Variants in WFS1 observed in about 807,000 individuals in gnomAD.
WFS1 encodes wolframin ER transmembrane glycoprotein.
In WFS1, 90 loss-of-function variants were observed where a neutral mutation model predicts 68.5. The observed-to-expected ratio is 1.31, with a 90% CI of 1.11 to 1.56. The LOEUF is 1.56. Among genes scored for constraint, WFS1 ranks in the 40% most tolerant of loss-of-function variants. The pLI, the probability that WFS1 is intolerant of heterozygous loss-of-function variation, is 0.00. For synonymous variants in WFS1, 860 were observed against 540.7 expected, an observed-to-expected ratio of 1.59 and a Z score of -8.19; for missense variants, 1,767 against 1,232.6, an observed-to-expected ratio of 1.43 and a Z score of -6.49.
chr4:6,296,090 T>C (rs1359721172), intron 7 of WFS1, among the ~76,000 whole-genome samples: 1 of 152,196 alleles, frequency 6.6e-6, no homozygotes, highest in Non-Finnish European at 1.5e-5. Context: ...CATCATTGTA[T>C]TCAGATGGGC....
intron 7 of WFS1, among the ~76,000 whole-genome samples, chr4:6,296,208 C>T (rs962607643): frequency 3.3e-5 from 5 of 152,202 alleles, no homozygotes; most frequent in South Asian, 2.1e-4. Context: ...AGAGTAGGCC[C>T]GCCCTCCGGT....
rs772113749 is a variant in WFS1 at position 6,301,457 on chromosome 4, G to C, written c.1662G>C (p.Leu554=). 1.2e-6 allele frequency: 2 copies of C among 1,612,450 alleles called. No homozygotes were observed. The highest frequency in any genetic ancestry group is 1.7e-5 in the Admixed American group (1 of 60,010). Residue 554 remains leucine, a synonymous_variant, in exon 8 of 8, where the codon CTG becomes CTC. Transcript: ENST00000226760. ...SVVILLESTG[L]GLLRASIGYF... is the part of the protein sequence containing the mutation. ...TCATCCTGCTGGAGTCCACCGGCCT[G>C]GGGCTGCTCCGCGCCTCCATCGGCT...
At position 6,287,218 on chromosome 4, in the gene WFS1, C is replaced by T. The variant is rs967757154; in HGVS notation, c.315+43C>T. On this transcript the variant is annotated intron_variant, in intron 3 of 7. Transcript: ENST00000226760. The surrounding 1 kb of genome is among the most constrained non-coding windows in gnomAD (Gnocchi z 6.4). ...GGCAGGGACTTCGGGACGCGGCCCC[C>T]GGCACAACAGGCCTGGCCACGAGCT... The T allele has an allele frequency of 2.6e-5, 40 of 1,512,776 alleles. No homozygotes were observed. The East Asian group carries it at 4.4e-4, about 17-fold the overall frequency. The allele number at this position is 1,512,776 out of a possible 1,614,324, so 93.7% of individuals were successfully genotyped here. A position where few individuals can be genotyped will look rare whatever the true frequency, so the allele number is the denominator to read the frequency against.
At chr4:6,270,844 T>A (rs1054446421) in intron 1 of WFS1, among the ~76,000 whole-genome samples, 4 of 152,048 alleles carry the variant, frequency 2.6e-5, no homozygotes, top group Non-Finnish European at 5.9e-5. Context: ...GGCGGAGAAG[T>A]TATAGTCCCC....
At position 6,302,421 on chromosome 4, in the gene WFS1, A is replaced by C. The variant is rs1730979839; in HGVS notation, c.2626A>C (p.Lys876Gln). The change falls in exon 8 of 8, where the codon AAG becomes CAG. Residue 876 changes from lysine (K) to glutamine (Q), a missense_variant. By Grantham distance (53) the Lys-to-Gln change is moderately conservative. Coordinates refer to ENST00000226760, the MANE Select transcript of WFS1 (RefSeq NM_006005.3). ...DWRSTVHGAV[K>Q]FAFDFFFFPF... ...GCGCAGCACCGTGCATGGCGCCGTG[A>C]AGTTCGCCTTCGACTTCTTTTTCTT... 1.2e-6 allele frequency: 2 copies of C among 1,613,232 alleles called. No individual in the cohort carries two copies. The highest frequency in any genetic ancestry group is 4.5e-5 in the East Asian group (2 of 44,888).
chr4:6,291,153 C>T (rs1357043564), intron 4 of WFS1, 44 bp from the exon 5 acceptor site: 1 of 1,606,504 alleles, frequency 6.2e-7, no homozygotes, highest in East Asian at 2.2e-5. Context: ...CACCGAAAGC[C>T]TAGGCAGGGC....
chr4:6,282,017 G>A (rs1411301123), intron 2 of WFS1, among the ~76,000 whole-genome samples: 1 of 152,206 alleles, frequency 6.6e-6, no homozygotes, highest in African/African-American at 2.4e-5. Context: ...CTCATGGGTG[G>A]ACGTGCTCGT....
In WFS1 at chr4:6,301,736, C is replaced by A. The variant is rs1261149781; in HGVS notation, c.1941C>A (p.Cys647Ter). Residue 647 changes from cysteine (C) to a stop codon, truncating the protein, a stop_gained, in exon 8 of 8, where the codon TGC becomes TGA. Coordinates refer to ENST00000226760, the MANE Select transcript of WFS1 (RefSeq NM_006005.3). LOFTEE classifies it high-confidence loss of function. Reference sequence around the variant, plus strand: ...GGCTCACGGCCATCGTGCTGTTCTGCTGGTTCTATGTGTACCGCTCAGAGG... The same window carrying A: ...GGCTCACGGCCATCGTGCTGTTCTGATGGTTCTATGTGTACCGCTCAGAGG... The part of the protein sequence containing the change: ...LVWLTAIVLF[C>*]WFYVYRSEGM... The A allele has an allele frequency of 1.2e-6, 2 of 1,613,996 alleles. No individual in the cohort carries two copies. Among genetic ancestry groups the A allele is most frequent in the Admixed American group, 1.7e-5 (1 of 60,032 alleles).
chr4:6,277,526 G>A lies in WFS1; in HGVS notation c.71G>A (p.Arg24His), dbSNP rs71524364. The change falls in exon 2 of 8, where the codon CGT becomes CAT. Residue 24 changes from arginine (R) to histidine (H), a missense_variant. Transcript: ENST00000226760. ...CCGCCAGCACCGCAGCCCCAGGCGCGTTCCCGACTCAATGCCACAGCCTCG... is the reference window on the plus strand; with the variant it reads ...CCGCCAGCACCGCAGCCCCAGGCGCATTCCCGACTCAATGCCACAGCCTCG... ...QPPPAPQPQA[R>H]SRLNATASLE... 65 of 1,585,914 alleles carry A rather than the reference G, an allele frequency of 4.1e-5. No homozygotes were observed. In the African/African-American group the frequency reaches 4.2e-4, roughly 10 times the overall value.
rs761135452 is a variant in WFS1, at chr4:6,302,827, TTC to T, written c.*361_*362del. 20 of 362,798 alleles carry T rather than the reference TTC, an allele frequency of 5.5e-5. No individual in the cohort carries two copies. The highest frequency in any genetic ancestry group is 7.6e-4 in the Middle Eastern group (1 of 1,320). The allele number at this position is 362,798 out of a possible 1,614,324, so 22.5% of individuals were successfully genotyped here. The stretch of plus-strand genomic sequence containing the variant: ...CACCTTCAAGCACCCTGTTCCCTCT[TTC>T]TTTCTTTTGTGTTGGATTTGTTTAA... On this transcript the variant is annotated 3_prime_UTR_variant, in exon 8 of 8. Transcript: ENST00000226760.
At chr4:6,298,380 T>G (rs1730702385) in intron 7 of WFS1, among the ~76,000 whole-genome samples, 1 of 152,238 alleles carries the variant, frequency 6.6e-6, no homozygotes, top group African/African-American at 2.4e-5. Context: ...TAGTGCCTGG[T>G]CTTCCCTGGC....
chr4:6,300,432 G>A (rs1159129573), intron 7 of WFS1, among the ~76,000 whole-genome samples: 1 of 152,128 alleles, frequency 6.6e-6, no homozygotes, highest in Admixed American at 6.5e-5. Flanking sequence ...ACGGGGCAGA[G>A]GGGGGCTCCA....
rs777964510 is a variant in WFS1, at chr4:6,277,687, G to A, written c.232G>A (p.Gly78Arg). Residue 78 changes from glycine (G) to arginine (R), a missense_variant and splice_region_variant, in exon 2 of 8, where the codon GGG becomes AGG. Coordinates refer to ENST00000226760, the MANE Select transcript of WFS1 (RefSeq NM_006005.3). ...GAGCCGGGAAAGAGCAGACGGCACCGGTAAGGGAGCAGGCTGGGAAGCCCA... is the reference window on the plus strand; with the variant it reads ...GAGCCGGGAAAGAGCAGACGGCACCAGTAAGGGAGCAGGCTGGGAAGCCCA... ...TRSRERADGT[G>R]PTKGDMEIPF... The A allele has an allele frequency of 1.5e-5, 24 of 1,557,006 alleles. No individual in the cohort carries two copies. The highest frequency in any genetic ancestry group is 5.8e-5 in the Admixed American group (3 of 51,976).
chr4:6,302,334 T>C lies in WFS1; in HGVS notation c.2539T>C (p.Cys847Arg), dbSNP rs1401569224. Residue 847 changes from cysteine (C) to arginine (R), a missense_variant, in exon 8 of 8, where the codon TGC becomes CGC. Transcript: ENST00000226760. The part of the protein sequence containing the change: ...WPVFELKAIS[C>R]LNCMAQLSPT... ...TGTCTTCGAGCTCAAGGCCATCAGC[T>C]GCCTCAACTGCATGGCCCAGCTCTC... The C allele has an allele frequency of 6.2e-7, 1 of 1,612,604 alleles. No homozygotes were observed. The highest frequency in any genetic ancestry group is 8.5e-7 in the Non-Finnish European group (1 of 1,179,860).
rs755885912 is a variant in WFS1, at chr4:6,302,329, T to G, written c.2534T>G (p.Ile845Ser). The change falls in exon 8 of 8, where the codon ATC becomes AGC. Residue 845 changes from isoleucine (I) to serine (S), a missense_variant. Transcript: ENST00000226760. ...TGGCCTGTCTTCGAGCTCAAGGCCA[T>G]CAGCTGCCTCAACTGCATGGCCCAG... ...SKWPVFELKA[I>S]SCLNCMAQLS... is the part of the protein sequence containing the mutation. 12 of 1,612,420 alleles carry G rather than the reference T, an allele frequency of 7.4e-6. No homozygotes were observed. The East Asian group carries it at 8.9e-5, about 12-fold the overall frequency.
chr4:6,276,463 C>T (rs1729997280), intron 1 of WFS1, among the ~76,000 whole-genome samples: 2 of 152,174 alleles, frequency 1.3e-5, no homozygotes, highest in South Asian at 4.1e-4. Flanking sequence ...GCACTGTTTG[C>T]CTTAGTTTGC....
intron 7 of WFS1, among the ~76,000 whole-genome samples, chr4:6,299,249 T>A (rs1290491278): frequency 1.3e-5 from 2 of 152,242 alleles, no homozygotes; most frequent in Non-Finnish European, 2.9e-5. Flanking sequence ...CACCCCATCC[T>A]GAGGCTGCTC....
At chr4:6,272,159 G>A (rs911215301) in intron 1 of WFS1, among the ~76,000 whole-genome samples, 1 of 152,212 alleles carries the variant, frequency 6.6e-6, no homozygotes, top group African/African-American at 2.4e-5. Flanking sequence ...GTCTGTTTAG[G>A]TGTTAACCCT....
Position 6,291,246 on chromosome 4 carries a change from C to G in WFS1, c.510C>G (p.Thr170=), listed in dbSNP as rs151277039. Residue 170 remains threonine, a synonymous_variant, in exon 5 of 8, where the codon ACC becomes ACG. Coordinates refer to ENST00000226760, the MANE Select transcript of WFS1 (RefSeq NM_006005.3). The part of the protein sequence containing the change: ...EREVRQLSSE[T]DLERAVRKAA... Reference sequence around the variant, plus strand: ...AGGTGAGGCAGCTCTCCTCCGAGACCGACCTGGAGAGGGCCGTGCGCAAGG... The same window carrying G: ...AGGTGAGGCAGCTCTCCTCCGAGACGGACCTGGAGAGGGCCGTGCGCAAGG... 2.7e-4 allele frequency: 429 copies of G among 1,613,190 alleles called. 1 individual carries two copies. In the East Asian group the frequency reaches 9.0e-3, roughly 34 times the overall value.
Sources: allele counts gnomAD v4.1 joint callset (sites outside exome capture counted in the v4.1 genomes callset), GRCh38; gene constraint gnomAD v4.1.1; non-coding constraint Gnocchi (gnomAD v3.1); transcripts MANE v1.5; gene names NCBI Gene and HGNC (gene_info 2026-07-23, HGNC 2026-07-21).